The following NOD1 variants were observed in gnomAD, a reference collection of about 807,000 sequenced individuals.
NOD1 encodes nucleotide binding oligomerization domain containing 1, also known as nucleotide-binding oligomerization domain-containing protein 1.
In NOD1, 70 loss-of-function variants were observed where a neutral mutation model predicts 81.2. The ratio of observed to expected loss-of-function variants is 0.86; its 90% confidence interval spans 0.71 to 1.05. The LOEUF (loss-of-function observed/expected upper bound fraction) is 1.05, where lower values mean the gene tolerates loss of function less well. Among genes scored for constraint, NOD1 ranks in the 50% least tolerant of loss-of-function variants. NOD1 has a pLI of 0.00. For synonymous variants in NOD1, 508 were observed against 526.9 expected (o/e 0.96, Z 0.49); for missense variants, 1,233 against 1,228.0 (o/e 1.00, Z -0.06).
At chr7:30,455,621 T>C (rs1273621966) in intron 4 of NOD1, among the ~76,000 whole-genome samples, 1 of 147,342 alleles carries the variant, frequency 6.8e-6, no homozygotes, top group Non-Finnish European at 1.5e-5. Context: ...TGAGACAGAG[T>C]CTTGCTCTGT....
rs780605529 is a variant in NOD1 at position 30,455,250 on chromosome 7, T to C, written c.263A>G (p.Tyr88Cys). ...GGCATCTGCGAGTTGCTGGAGCAAG[T>C]AGAGGAAGAACTCGGACACCTCCTC... The part of the protein sequence containing the change: ...KGEEVSEFFL[Y>C]LLQQLADAYV... The change falls in exon 5 of 14, where the codon TAC becomes TGC. Residue 88 changes from tyrosine to cysteine, a missense_variant. Tyr to Cys is a radical substitution (Grantham distance 194). Transcript: ENST00000222823. 67 of 1,614,126 alleles carry C rather than the reference T, an allele frequency of 4.2e-5. No individual in the cohort carries two copies. The highest frequency in any genetic ancestry group is 5.7e-5 in the Non-Finnish European group (67 of 1,180,026).
Position 30,452,945 on chromosome 7 carries a change from T to C in NOD1, c.472A>G (p.Ile158Val). 1 of 1,613,866 alleles carries C rather than the reference T, an allele frequency of 6.2e-7. No individual in the cohort carries two copies. Among genetic ancestry groups the C allele is most frequent in the Non-Finnish European group, 8.5e-7 (1 of 1,179,982 alleles). ...AQKEELLLEEIYMDTIMELVG... is the reference protein window; with the variant it reads ...AQKEELLLEEVYMDTIMELVG... ...AGCTCCATGATGGTGTCCATGTAGA[T>C]CTCCTCCAGCAGCAGCTCCTCCTTC... is the stretch of plus-strand genomic sequence containing the variant. The change falls in exon 6 of 14, where the codon ATC becomes GTC. Residue 158 changes from isoleucine to valine, a missense_variant. Physicochemically the swap from Ile to Val is conservative, Grantham distance 29. Coordinates refer to ENST00000222823, the MANE Select transcript of NOD1 (RefSeq NM_006092.4).
intron 13 of NOD1, among the ~76,000 whole-genome samples, chr7:30,428,027 C>A (rs1186803320): frequency 6.6e-6 from 1 of 152,208 alleles, no homozygotes; most frequent in East Asian, 1.9e-4. Flanking sequence ...ACACAGGCCA[C>A]AGGTGTCTGT....
At chr7:30,432,381 TC>T (rs1185099516) in intron 12 of NOD1, among the ~76,000 whole-genome samples, 2 of 152,102 alleles carry the variant, frequency 1.3e-5, no homozygotes, top group African/African-American at 4.8e-5. Context: ...GAAATGCAAA[TC>T]AAAACCACAA....
chr7:30,435,426 T>C (rs1784297642), intron 11 of NOD1, among the ~76,000 whole-genome samples: 1 of 152,192 alleles, frequency 6.6e-6, no homozygotes, highest in East Asian at 1.9e-4. Flanking sequence ...ATAGCTTGCA[T>C]GGCCAGCGTT....
rs1352169396 is a variant in NOD1 at position 30,448,306 on chromosome 7, G to C, written c.2277C>G (p.Thr759=). ...SEELTKYKIV[T]YLGLYNNQIT... is the part of the protein sequence containing the mutation. ...TCTGGAGAAAGACATACCCCAAATAGGTCACAATTTTGTATTTGGTCAGCT... is the reference window on the plus strand; with the variant it reads ...TCTGGAGAAAGACATACCCCAAATACGTCACAATTTTGTATTTGGTCAGCT... Residue 759 remains threonine, a synonymous_variant, in exon 7 of 14, where the codon ACC becomes ACG. Coordinates refer to ENST00000222823, the MANE Select transcript of NOD1 (RefSeq NM_006092.4). The C allele has an allele frequency of 6.2e-7, 1 of 1,613,218 alleles. No homozygotes were observed. Among genetic ancestry groups the C allele is most frequent in the South Asian group, 1.1e-5 (1 of 91,068 alleles).
In NOD1 at chr7:30,446,140, C is replaced by T. The variant is rs1785054850; in HGVS notation, c.2453+1G>A. The T allele has an allele frequency of 1.2e-6, 2 of 1,611,146 alleles. No individual in the cohort carries two copies. Among genetic ancestry groups the T allele is most frequent in the Non-Finnish European group, 8.5e-7 (1 of 1,177,338 alleles). ...ACATACATCCATCCCCTTCTACTCA[C>T]CCAACCTCAGAGATTGATTTGCTGT... is the stretch of plus-strand genomic sequence containing the variant. On this transcript the variant is annotated splice_donor_variant, in intron 9 of 13. Transcript: ENST00000222823. LOFTEE classifies it high-confidence loss of function.
rs1271067582 is a variant in NOD1, at chr7:30,425,530, G to A, written c.*108C>T. 2 of 813,024 alleles carry A rather than the reference G, an allele frequency of 2.5e-6. No individual in the cohort carries two copies. The highest frequency in any genetic ancestry group is 4.3e-6 in the Non-Finnish European group (2 of 463,146). The allele number at this position is 813,024 out of a possible 1,614,324, so 50.4% of individuals were successfully genotyped here. On this transcript the variant is annotated 3_prime_UTR_variant, in exon 14 of 14. Transcript: ENST00000222823. The stretch of plus-strand genomic sequence containing the variant: ...TCATGGAGGCAGTGGACTCCTGATA[G>A]TCCCGCCTGCGCAGGCCCCTTTAAG...
intron 12 of NOD1, among the ~76,000 whole-genome samples, chr7:30,431,846 T>G (rs1158296164): frequency 6.6e-6 from 1 of 152,222 alleles, no homozygotes; most frequent in South Asian, 2.1e-4. Flanking sequence ...GCTTTTCGCC[T>G]GTAATCCCAG....
rs1372363030 is a variant in NOD1 at position 30,437,628 on chromosome 7, C to G, written c.2482G>C (p.Gly828Arg). 6.6e-7 allele frequency: 1 copy of G among 1,511,850 alleles called. No homozygotes were observed. The highest frequency in any genetic ancestry group is 2.8e-5 in the Admixed American group (1 of 35,774). The allele number at this position is 1,511,850 out of a possible 1,614,324, so 93.7% of individuals were successfully genotyped here. The change falls in exon 10 of 14, where the codon GGA becomes CGA. Residue 828 changes from glycine to arginine, a missense_variant. By Grantham distance (125) the Gly-to-Arg change is moderately radical. Transcript: ENST00000222823. ...AGAGCCTCTGCGAAGGCTTTTGCTC[C>G]TTCATCCCCAACTTGATTGCCCCAC... The part of the protein sequence containing the change: ...GMWGNQVGDE[G>R]AKAFAEALRN...
intron 9 of NOD1, 140 bp from the exon 10 acceptor site, chr7:30,437,796 A>T: frequency 1.7e-6 from 1 of 590,162 alleles, no homozygotes; most frequent in Non-Finnish European, 2.9e-6. Context: ...TGTGGCCTGG[A>T]CACTAATTCC....
rs1459045680 is a variant in NOD1, at chr7:30,459,188, A to G, written c.-158T>C. 1 of 152,658 alleles carries G rather than the reference A, an allele frequency of 6.6e-6. No individual in the cohort carries two copies. 9.5% of individuals were successfully genotyped at this position (152,658 alleles called of 1,614,324 possible). A position where few individuals can be genotyped will look rare whatever the true frequency, so the allele number is the denominator to read the frequency against. ...TCTGGCATCATTCTTTGAAGTTAGA[A>G]TATTTTAAAACAACATTGTTTAAAT... On this transcript the variant is annotated 5_prime_UTR_variant, in exon 3 of 14. Transcript: ENST00000222823.
chr7:30,460,719 G>C, intron 1 of NOD1: 3 of 978,228 alleles, frequency 3.1e-6, no homozygotes, highest in Non-Finnish European at 3.6e-6. Flanking sequence ...GGCAGTGAGG[G>C]AGCCCCGAAG....
At chr7:30,436,362 T>A (rs1295449144) in intron 10 of NOD1, among the ~76,000 whole-genome samples, 1 of 152,224 alleles carries the variant, frequency 6.6e-6, no homozygotes, top group Non-Finnish European at 1.5e-5. Flanking sequence ...TTTCTGCACA[T>A]GGGCAGGAGG....
intron 1 of NOD1, among the ~76,000 whole-genome samples, chr7:30,473,501 A>G (rs1008834737): frequency 6.6e-6 from 1 of 152,238 alleles, no homozygotes; most frequent in Non-Finnish European, 1.5e-5. Flanking sequence ...ATTTATCTCA[A>G]AACTAACATT....
chr7:30,445,278 T>TAAAAAAAAAAAAAAAAAAAAAAAAACA (rs55875433), intron 9 of NOD1, among the ~76,000 whole-genome samples: 1 of 69,166 alleles, frequency 1.4e-5, no homozygotes, highest in Non-Finnish European at 2.5e-5. Flanking sequence ...AAAAAGAATC[T>TAAAAAAAAAAAAAAAAAAAAAAAAACA]AAAAAAAAAA....
Position 30,455,218 on chromosome 7 carries a change from C to G in NOD1, c.295G>C (p.Asp99His). ...ATCTCCAGCAGCCAAGGCCTGAGGT[C>G]CACGTAGGCATCTGCGAGTTGCTGG... Reference protein sequence around the residue: ...LLQQLADAYVDLRPWLLEIGF... With the variant: ...LLQQLADAYVHLRPWLLEIGF... The change falls in exon 5 of 14, where the codon GAC (aspartate) becomes CAC (histidine). Residue 99 changes from aspartate (D) to histidine (H), a missense_variant. Coordinates refer to ENST00000222823, the MANE Select transcript of NOD1 (RefSeq NM_006092.4). 6.2e-7 allele frequency: 1 copy of G among 1,614,176 alleles called. No individual in the cohort carries two copies. The highest frequency in any genetic ancestry group is 8.5e-7 in the Non-Finnish European group (1 of 1,180,016).
chr7:30,451,930 C>G lies in NOD1; in HGVS notation c.1487G>C (p.Gly496Ala). Reference protein sequence around the residue: ...SGLQERDMQLGFLRALPELGP... With the variant: ...SGLQERDMQLAFLRALPELGP... ...CAGCTCCGGCAAAGCCCGCAGGAAG[C>G]CCAGCTGCATGTCTCTCTCCTGCAG... is the stretch of plus-strand genomic sequence containing the variant. The change falls in exon 6 of 14, where the codon GGC becomes GCC. Residue 496 changes from glycine (G) to alanine (A), a missense_variant. Gly to Ala is a moderately conservative substitution (Grantham distance 60). Transcript: ENST00000222823. This position sits in a 1 kb window ranked among gnomAD's most constrained non-coding sequence, Gnocchi z 4.2. 6.2e-7 allele frequency: 1 copy of G among 1,613,548 alleles called. No homozygotes were observed. Among genetic ancestry groups the G allele is most frequent in the Non-Finnish European group, 8.5e-7 (1 of 1,179,974 alleles).
chr7:30,447,978 T>C (rs144061661), intron 7 of NOD1: 194 of 287,590 alleles, frequency 6.7e-4, no homozygotes, highest in African/African-American at 3.9e-3. Context: ...CCCAAAATAG[T>C]CCAGACTAAT....
Sources: allele counts gnomAD v4.1 joint callset (sites outside exome capture counted in the v4.1 genomes callset), GRCh38; gene constraint gnomAD v4.1.1; non-coding constraint Gnocchi (gnomAD v3.1); transcripts MANE v1.5; gene names NCBI Gene and HGNC (gene_info 2026-07-23, HGNC 2026-07-21).